The following ZCCHC7 variants were observed in gnomAD, a reference collection of about 807,000 sequenced individuals.
ZCCHC7 encodes zinc finger CCHC-type containing 7, also known as zinc finger CCHC domain-containing protein 7.
Under a neutral mutation model 52.0 loss-of-function variants are expected in ZCCHC7, and 35 were observed. The ratio of observed to expected loss-of-function variants is 0.67; its 90% confidence interval spans 0.51 to 0.89. The LOEUF (loss-of-function observed/expected upper bound fraction) is 0.89. Among genes scored for constraint, ZCCHC7 ranks in the 40% least tolerant of loss-of-function variants. The pLI, the probability that ZCCHC7 is intolerant of heterozygous loss-of-function variation, is 0.00. For missense variants in ZCCHC7, 574 were observed against 649.1 expected (o/e 0.88, Z 1.26); for synonymous variants, 217 against 221.5 (o/e 0.98, Z 0.18).
intron 2 of ZCCHC7, among the ~76,000 whole-genome samples, chr9:37,172,896 G>A (rs1564157052): frequency 6.6e-6 from 1 of 152,048 alleles, no homozygotes; most frequent in East Asian, 1.9e-4. Flanking sequence ...AGTGAGCCAT[G>A]TGGGCATTCC....
chr9:37,160,570 T>C (rs1485815226), intron 2 of ZCCHC7, among the ~76,000 whole-genome samples: 1 of 152,100 alleles, frequency 6.6e-6, no homozygotes, highest in African/African-American at 2.4e-5. Flanking sequence ...TGGGCCAGAA[T>C]ATCCCAAATC....
At chr9:37,355,326 A>G (rs1821629582) in intron 8 of ZCCHC7, among the ~76,000 whole-genome samples, 1 of 152,110 alleles carries the variant, frequency 6.6e-6, no homozygotes, top group Non-Finnish European at 1.5e-5. Context: ...TTTATCACCA[A>G]ATTAATATCT....
chr9:37,232,861 C>T (rs983549761), intron 2 of ZCCHC7, among the ~76,000 whole-genome samples: 2 of 152,014 alleles, frequency 1.3e-5, no homozygotes, highest in Non-Finnish European at 2.9e-5. Context: ...TTTTATAACT[C>T]TTAATATTGG....
chr9:37,139,587 A>G (rs1022732469), intron 2 of ZCCHC7, among the ~76,000 whole-genome samples: 2 of 151,930 alleles, frequency 1.3e-5, no homozygotes, highest in African/African-American at 2.4e-5. Flanking sequence ...AACTTTTGTC[A>G]GTTTTGAAAA....
chr9:37,259,486 A>G (rs1432345724), intron 2 of ZCCHC7, among the ~76,000 whole-genome samples: 1 of 152,182 alleles, frequency 6.6e-6, no homozygotes, highest in Non-Finnish European at 1.5e-5. Flanking sequence ...ATGCAAGATT[A>G]CAAATATTTT....
chr9:37,190,168 A>G (rs535810491), intron 2 of ZCCHC7, among the ~76,000 whole-genome samples: 8 of 152,284 alleles, frequency 5.3e-5, no homozygotes, highest in African/African-American at 1.9e-4. Flanking sequence ...TACCCTCTTG[A>G]TGATGAAGGT....
intron 2 of ZCCHC7, among the ~76,000 whole-genome samples, chr9:37,250,171 G>T (rs1411784670): frequency 2.6e-5 from 4 of 152,200 alleles, no homozygotes; most frequent in African/African-American, 9.6e-5. Flanking sequence ...TTTAGCACAT[G>T]AATAGTTTTC....
At chr9:37,189,426 G>T (rs1588453225) in intron 2 of ZCCHC7, among the ~76,000 whole-genome samples, 1 of 152,208 alleles carries the variant, frequency 6.6e-6, no homozygotes, top group Admixed American at 6.5e-5. Flanking sequence ...TGCACTTGTT[G>T]CCCAGGCTGG....
At chr9:37,203,781 T>C (rs1483736952) in intron 2 of ZCCHC7, among the ~76,000 whole-genome samples, 1 of 152,224 alleles carries the variant, frequency 6.6e-6, no homozygotes, top group East Asian at 1.9e-4. Flanking sequence ...TGTGCCTGCA[T>C]GTTTATAACA....
chr9:37,196,284 T>G (rs1004606579), intron 2 of ZCCHC7, among the ~76,000 whole-genome samples: 2 of 152,204 alleles, frequency 1.3e-5, no homozygotes, highest in African/African-American at 4.8e-5. Context: ...TGAACTGTTC[T>G]TTAAAAAGCT....
At chr9:37,177,808 G>A (rs1588433593) in intron 2 of ZCCHC7, among the ~76,000 whole-genome samples, 1 of 145,410 alleles carries the variant, frequency 6.9e-6, no homozygotes, top group African/African-American at 2.4e-5. Flanking sequence ...GGGACATTCT[G>A]TAGAATACCT....
intron 2 of ZCCHC7, among the ~76,000 whole-genome samples, chr9:37,227,977 A>G (rs1251939376): frequency 6.6e-6 from 1 of 152,108 alleles, no homozygotes; most frequent in Non-Finnish European, 1.5e-5. Context: ...TTGGAATTTT[A>G]GTAGAGACAG....
chr9:37,332,643 A>G (rs1830494528), intron 6 of ZCCHC7, among the ~76,000 whole-genome samples: 1 of 151,062 alleles, frequency 6.6e-6, no homozygotes. Context: ...TCTTTATTTC[A>G]CTGGCATGTG....
intron 5 of ZCCHC7, among the ~76,000 whole-genome samples, chr9:37,312,493 T>C (rs960050240): frequency 6.6e-6 from 1 of 152,250 alleles, no homozygotes; most frequent in African/African-American, 2.4e-5. Flanking sequence ...CTTAGAAGAC[T>C]CTAAACTTAG....
At chr9:37,160,440 TAATG>T (rs1821035810) in intron 2 of ZCCHC7, among the ~76,000 whole-genome samples, 1 of 151,770 alleles carries the variant, frequency 6.6e-6, no homozygotes, top group Non-Finnish European at 1.5e-5. Context: ...ACTTGAGTAA[TAATG>T]GGGTTTGAGG....
intron 2 of ZCCHC7, among the ~76,000 whole-genome samples, chr9:37,132,885 T>C (rs1350240485): frequency 6.6e-6 from 1 of 152,176 alleles, no homozygotes; most frequent in East Asian, 1.9e-4. Flanking sequence ...ACGCCTGTAA[T>C]CCCGGCACTT....
chr9:37,263,167 A>T (rs1472907289), intron 2 of ZCCHC7, among the ~76,000 whole-genome samples: 1 of 151,942 alleles, frequency 6.6e-6, no homozygotes, highest in South Asian at 2.1e-4. Flanking sequence ...TTATAAGCCC[A>T]TCCTTATTTT....
chr9:37,135,051 A>G (rs904875276), intron 2 of ZCCHC7, among the ~76,000 whole-genome samples: 1 of 152,128 alleles, frequency 6.6e-6, no homozygotes, highest in Non-Finnish European at 1.5e-5. Context: ...ATAGTGGCAT[A>G]CTATCTACTC....
chr9:37,163,506 C>T (rs1476188950), intron 2 of ZCCHC7, among the ~76,000 whole-genome samples: 2 of 152,106 alleles, frequency 1.3e-5, no homozygotes, highest in Non-Finnish European at 2.9e-5. Context: ...TCCTTGCTAA[C>T]CCTACGAACA....
Sources: allele counts gnomAD v4.1 joint callset (sites outside exome capture counted in the v4.1 genomes callset), GRCh38; gene constraint gnomAD v4.1.1; transcripts MANE v1.5; gene names NCBI Gene and HGNC (gene_info 2026-07-23, HGNC 2026-07-21).